The following GPC5 variants were observed in gnomAD, a reference collection of about 807,000 sequenced individuals.
The protein encoded by GPC5 is glypican 5.
A neutral mutation model predicts 53.9 loss-of-function variants in GPC5; 47 were observed. That is an observed-to-expected ratio of 0.87 (90% CI 0.69 to 1.11). The LOEUF is 1.11. Ranked by LOEUF, GPC5 falls within the 50% of genes most tolerant of loss-of-function variation. The probability of loss-of-function intolerance (pLI) is 0.00; values close to 1 mark genes in which losing one functional copy is unlikely to be tolerated. For missense variants in GPC5, 748 were observed against 713.1 expected (o/e 1.05, Z -0.56); for synonymous variants, 286 against 263.3 (o/e 1.09, Z -0.84).
At chr13:91,567,550 C>G (rs1465136443) in intron 2 of GPC5, among the ~76,000 whole-genome samples, 1 of 152,216 alleles carries the variant, frequency 6.6e-6, no homozygotes. Flanking sequence ...ATAGAGATTT[C>G]CACACAAGTT....
chr13:92,028,318 T>C (rs2138801898), intron 6 of GPC5, among the ~76,000 whole-genome samples: 1 of 152,280 alleles, frequency 6.6e-6, no homozygotes, highest in South Asian at 2.1e-4. Context: ...CAGGTCCAGC[T>C]GTTTAAATAT....
chr13:92,029,272 C>T (rs1458296716), intron 6 of GPC5, among the ~76,000 whole-genome samples: 1 of 152,134 alleles, frequency 6.6e-6, no homozygotes, highest in Non-Finnish European at 1.5e-5. Context: ...ATGAAACTTA[C>T]AGAAATGCAT....
chr13:92,703,296 G>T (rs1402348777), intron 7 of GPC5, among the ~76,000 whole-genome samples: 1 of 151,384 alleles, frequency 6.6e-6, no homozygotes, highest in East Asian at 1.9e-4. Context: ...TGTGTCCCTT[G>T]GGGGGCTGGG....
intron 1 of GPC5, among the ~76,000 whole-genome samples, chr13:91,426,957 G>C (rs1361674546): frequency 6.6e-6 from 1 of 152,240 alleles, no homozygotes; most frequent in Non-Finnish European, 1.5e-5. Flanking sequence ...TGTTGCTTCA[G>C]AGGGTGCAAG....
chr13:91,587,973 C>T (rs2032660470), intron 2 of GPC5, among the ~76,000 whole-genome samples: 1 of 152,102 alleles, frequency 6.6e-6, no homozygotes, highest in Admixed American at 6.6e-5. Context: ...AATGTGGAAC[C>T]TTGCAGTAAG....
At chr13:92,809,886 G>C (rs1425371872) in intron 7 of GPC5, among the ~76,000 whole-genome samples, 1 of 152,054 alleles carries the variant, frequency 6.6e-6, no homozygotes, top group Non-Finnish European at 1.5e-5. Flanking sequence ...ACAAGTCCTA[G>C]AGAAACTTGT....
At chr13:92,166,311 T>C (rs1566465265) in intron 7 of GPC5, among the ~76,000 whole-genome samples, 1 of 152,180 alleles carries the variant, frequency 6.6e-6, no homozygotes, top group Non-Finnish European at 1.5e-5. Context: ...TAATTGCAGT[T>C]CTGCTAATGT....
intron 6 of GPC5, among the ~76,000 whole-genome samples, chr13:91,969,994 T>C (rs971875983): frequency 1.6e-4 from 24 of 152,122 alleles, no homozygotes; most frequent in Non-Finnish European, 3.1e-4. Context: ...TTATTCCCAA[T>C]AGTCAAGATG....
At chr13:92,562,873 T>C (rs1476824972) in intron 7 of GPC5, among the ~76,000 whole-genome samples, 1 of 152,014 alleles carries the variant, frequency 6.6e-6, no homozygotes, top group Non-Finnish European at 1.5e-5. Context: ...GCTTTTTTTG[T>C]GTGAAAACAA....
At chr13:92,396,378 T>A (rs1875270541) in intron 7 of GPC5, among the ~76,000 whole-genome samples, 1 of 152,194 alleles carries the variant, frequency 6.6e-6, no homozygotes, top group Admixed American at 6.5e-5. Flanking sequence ...TGTGCTTTCA[T>A]GTCATGTTTG....
intron 5 of GPC5, among the ~76,000 whole-genome samples, chr13:91,897,231 T>G (rs1434418543): frequency 6.6e-6 from 1 of 152,120 alleles, no homozygotes; most frequent in Non-Finnish European, 1.5e-5. Flanking sequence ...GTTGTTTTCA[T>G]TAAGAAAAAG....
At chr13:92,787,033 G>A in intron 7 of GPC5, among the ~76,000 whole-genome samples, 1 of 152,138 alleles carries the variant, frequency 6.6e-6, no homozygotes, top group East Asian at 1.9e-4. Flanking sequence ...GTTCATATTA[G>A]TCTTTCTTTT....
intron 7 of GPC5, among the ~76,000 whole-genome samples, chr13:92,198,826 G>A (rs1002679113): frequency 4.6e-5 from 7 of 152,110 alleles, no homozygotes; most frequent in Admixed American, 2.0e-4. Flanking sequence ...CTCAGAAACC[G>A]AGAAATGGTC....
intron 6 of GPC5, among the ~76,000 whole-genome samples, chr13:91,952,727 A>G (rs1175488010): frequency 6.6e-6 from 1 of 152,136 alleles, no homozygotes; most frequent in Non-Finnish European, 1.5e-5. Flanking sequence ...TTTCAGGCAC[A>G]TTCAAGAAAA....
intron 7 of GPC5, among the ~76,000 whole-genome samples, chr13:92,420,982 A>T (rs1306497970): frequency 1.3e-5 from 2 of 152,208 alleles, no homozygotes; most frequent in Admixed American, 6.5e-5. Flanking sequence ...AAAGAATGCT[A>T]ACTAGCCACA....
At chr13:92,821,789 A>G (rs1877683239) in intron 7 of GPC5, among the ~76,000 whole-genome samples, 1 of 152,182 alleles carries the variant, frequency 6.6e-6, no homozygotes, top group Admixed American at 6.6e-5. Context: ...TTAGAAACAC[A>G]GCCACCACCT....
chr13:92,381,918 A>ATCATATATATGATATATATGATATATAT (rs796383905), intron 7 of GPC5, among the ~76,000 whole-genome samples: 1 of 45,056 alleles, frequency 2.2e-5, no homozygotes, highest in African/African-American at 7.8e-5. Flanking sequence ...TGATATATAT[A>ATCATATATATGATATATATGATATATAT]ATCATATATA....
At chr13:92,156,125 T>G (rs2041943402) in intron 7 of GPC5, among the ~76,000 whole-genome samples, 1 of 152,188 alleles carries the variant, frequency 6.6e-6, no homozygotes, top group Non-Finnish European at 1.5e-5. Context: ...TTTCTAAAAT[T>G]TCTGGTCTTT....
chr13:92,246,506 C>T (rs936138691), intron 7 of GPC5, among the ~76,000 whole-genome samples: 33 of 152,118 alleles, frequency 2.2e-4, no homozygotes, highest in East Asian at 1.2e-3. Flanking sequence ...TAAGCCACAC[C>T]CCATCTTTAC....
Sources: allele counts gnomAD v4.1 joint callset (sites outside exome capture counted in the v4.1 genomes callset), GRCh38; gene constraint gnomAD v4.1.1; transcripts MANE v1.5; gene names NCBI Gene and HGNC (gene_info 2026-07-23, HGNC 2026-07-21).